The following CELSR1 variants were observed in gnomAD, a reference collection of about 807,000 sequenced individuals.
CELSR1 encodes adhesion G protein-coupled receptor C1.
CELSR1 carries 110 observed loss-of-function variants against 249.1 expected under a neutral mutation model. The ratio of observed to expected loss-of-function variants is 0.44; its 90% confidence interval spans 0.38 to 0.52. The LOEUF (loss-of-function observed/expected upper bound fraction) is 0.52, where lower values mean the gene tolerates loss of function less well. Among genes scored for constraint, CELSR1 ranks in the 20% least tolerant of loss-of-function variants. The pLI is 0.00. For synonymous variants in CELSR1, 2,113 were observed against 1,900.0 expected (o/e 1.11, Z -2.92); for missense variants, 4,109 against 4,296.4 (o/e 0.96, Z 1.22).
chr22:46,393,640 A>C lies in CELSR1; in HGVS notation c.5964+502T>G, dbSNP rs1175378358. Among the ~76,000 whole-genome samples, 1 of 151,724 alleles carries C rather than the reference A, an allele frequency of 6.6e-6. No homozygotes were observed. Among genetic ancestry groups the C allele is most frequent in the Non-Finnish European group, 1.5e-5 (1 of 67,972 alleles). On this transcript the variant is annotated intron_variant, in intron 14 of 34. Transcript: ENST00000674500. This position sits in a 1 kb window ranked among gnomAD's most constrained non-coding sequence, Gnocchi z 4.1. The stretch of plus-strand genomic sequence containing the variant: ...ATAATCCCAGCTACTCAGGAGGCTG[A>C]GGCAGAAGAATTGCTGGAACCCGGG...
chr22:46,367,753 G>A lies in CELSR1; in HGVS notation c.8055C>T (p.Leu2685=), dbSNP rs776315945. 2.5e-6 allele frequency: 4 copies of A among 1,606,496 alleles called. No individual in the cohort carries two copies. Among genetic ancestry groups the A allele is most frequent in the Non-Finnish European group, 3.4e-6 (4 of 1,177,576 alleles). ...VNRDALSFHY[L]FAIFSGLQGP... is the part of the protein sequence containing the mutation. Reference sequence around the variant, plus strand: ...CCTGTAAGCCGCTGAAGATGGCGAAGAGGTAGTGAAAGCTCAGTGCATCGC... The same window carrying A: ...CCTGTAAGCCGCTGAAGATGGCGAAAAGGTAGTGAAAGCTCAGTGCATCGC... Residue 2685 remains leucine (L), a synonymous_variant, in exon 28 of 35, where the codon CTC becomes CTT. Coordinates refer to ENST00000674500, the MANE Select transcript of CELSR1 (RefSeq NM_001378328.1).
chr22:46,481,784 C>T, intron 1 of CELSR1: 2 of 278,552 alleles, frequency 7.2e-6, no homozygotes, highest in Non-Finnish European at 1.4e-5. Context: ...TTTTCTAAAT[C>T]TTTTTTTTTT....
chr22:46,366,928 A>G (rs2147165357), intron 29 of CELSR1, 65 bp downstream of exon 29: 1 of 1,541,378 alleles, frequency 6.5e-7, no homozygotes. Flanking sequence ...AGGCTCGATC[A>G]CCCTCCCCCG....
chr22:46,517,600 C>T lies in CELSR1; in HGVS notation c.3544+16027G>A, dbSNP rs2080641541. Among the ~76,000 whole-genome samples, 1 of 152,244 alleles carries T rather than the reference C, an allele frequency of 6.6e-6. No individual in the cohort carries two copies. The highest frequency in any genetic ancestry group is 6.5e-5 in the Admixed American group (1 of 15,284). ...AAAACACGCCCCTGAGCTTCCCGTC[C>T]TGCACACACAGACGCACCCCTGACC... is the stretch of plus-strand genomic sequence containing the variant. On this transcript the variant is annotated intron_variant, in intron 1 of 34. Transcript: ENST00000674500. The surrounding 1 kb of genome is among the most constrained non-coding windows in gnomAD (Gnocchi z 5.4).
Position 46,471,241 on chromosome 22 carries a change from T to A in CELSR1, c.3545-6896A>T, listed in dbSNP as rs1203535491. ...ACTGTGGACAGTGGTTCTGTCTGCA[T>A]TGCTGATTTTGTTTTTTGTTTGTTT... On this transcript the variant is annotated intron_variant, in intron 1 of 34. Transcript: ENST00000674500. This position sits in a 1 kb window ranked among gnomAD's most constrained non-coding sequence, Gnocchi z 4.9. 2.0e-5 allele frequency among the ~76,000 whole-genome samples: 3 copies of A among 152,252 alleles called. No individual in the cohort carries two copies. Among genetic ancestry groups the A allele is most frequent in the Non-Finnish European group, 4.4e-5 (3 of 68,052 alleles).
In CELSR1 at chr22:46,464,441, AAGG is replaced by A. The variant is rs1280714794; in HGVS notation, c.3545-99_3545-97del. ...GGAGCAGCCTCAGGCATGCTTGGCA[AAGG>A]AGAAGAGAGCCTGGGCATCCCCACT... On this transcript the variant is annotated intron_variant, in intron 1 of 34. Transcript: ENST00000674500. The surrounding 1 kb of genome is among the most constrained non-coding windows in gnomAD (Gnocchi z 8.5). 1.5e-6 allele frequency: 2 copies of A among 1,361,880 alleles called. No homozygotes were observed. The highest frequency in any genetic ancestry group is 2.9e-5 in the African/African-American group (2 of 69,016). 84.4% of individuals were successfully genotyped at this position (1,361,880 alleles called of 1,614,324 possible). A position where few individuals can be genotyped will look rare whatever the true frequency, so the allele number is the denominator to read the frequency against.
At position 46,501,643 on chromosome 22, in the gene CELSR1, T is replaced by C. The variant is rs552325524; in HGVS notation, c.3544+31984A>G. ...GAAAACAAGCTGTGAGCCAAAACAC[T>C]GTATGATGTGCTTTTTTTCCTTCAG... is the stretch of plus-strand genomic sequence containing the variant. On this transcript the variant is annotated intron_variant, in intron 1 of 34. Transcript: ENST00000674500. Among the ~76,000 whole-genome samples the C allele has an allele frequency of 1.2e-4, 19 of 152,302 alleles. No individual in the cohort carries two copies. In the South Asian group the frequency reaches 2.9e-3, roughly 23 times the overall value.
Position 46,436,149 on chromosome 22 carries a change from G to A in CELSR1, c.4522+25C>T. On this transcript the variant is annotated intron_variant, in intron 4 of 34. Coordinates refer to ENST00000674500, the MANE Select transcript of CELSR1 (RefSeq NM_001378328.1). The surrounding 1 kb of genome is among the most constrained non-coding windows in gnomAD (Gnocchi z 5.9). ...AAGTATCTGTGAATTGCTCAGAGCT[G>A]CCCTTCCTGGGGAGAAGGCCCCACC... The A allele has an allele frequency of 6.3e-7, 1 of 1,585,440 alleles. No homozygotes were observed. Among genetic ancestry groups the A allele is most frequent in the Non-Finnish European group, 8.7e-7 (1 of 1,154,396 alleles).
intron 3 of CELSR1, 82 bp downstream of exon 3, chr22:46,439,107 G>A (rs1409268924): frequency 7.5e-6 from 10 of 1,325,118 alleles, no homozygotes; most frequent in East Asian, 6.9e-5. Context: ...TCAACGTCAC[G>A]ATCTAGAGGG....
intron 24 of CELSR1, among the ~76,000 whole-genome samples, chr22:46,375,364 G>A (rs1449395325): frequency 6.6e-6 from 1 of 151,846 alleles, no homozygotes; most frequent in African/African-American, 2.4e-5. Flanking sequence ...TTCTGGAGAC[G>A]TCAAACTCCC....
At chr22:46,424,354 C>T (rs1245989414) in intron 5 of CELSR1, among the ~76,000 whole-genome samples, 1 of 152,154 alleles carries the variant, frequency 6.6e-6, no homozygotes, top group African/African-American at 2.4e-5. Flanking sequence ...GCTGGGGTTA[C>T]AGGCGTGAGC....
rs1282321640 is a variant in CELSR1, at chr22:46,440,248, T to C, written c.4184-837A>G. On this transcript the variant is annotated intron_variant, in intron 2 of 34. Transcript: ENST00000674500. This position sits in a 1 kb window ranked among gnomAD's most constrained non-coding sequence, Gnocchi z 4.7. ...AGTTGTTCCTGGACTGGCCGCTGCA[T>C]CCTCCAGCAACCAGGTGTGTGGCTG... Among the ~76,000 whole-genome samples, 1 of 152,004 alleles carries C rather than the reference T, an allele frequency of 6.6e-6. No individual in the cohort carries two copies. Among genetic ancestry groups the C allele is most frequent in the Non-Finnish European group, 1.5e-5 (1 of 68,002 alleles).
chr22:46,496,416 A>G (rs1426167250), intron 1 of CELSR1, among the ~76,000 whole-genome samples: 1 of 151,872 alleles, frequency 6.6e-6, no homozygotes, highest in African/African-American at 2.4e-5. Flanking sequence ...AAAAACACAA[A>G]AACTAGCCTG....
chr22:46,517,140 C>T lies in CELSR1; in HGVS notation c.3544+16487G>A, dbSNP rs1013066093. ...TCCCCTGAGGTATACAAACCACCTC[C>T]CCATCCCCCACTGCCTCAGTTTTCC... On this transcript the variant is annotated intron_variant, in intron 1 of 34. Transcript: ENST00000674500. This position sits in a 1 kb window ranked among gnomAD's most constrained non-coding sequence, Gnocchi z 5.4. Among the ~76,000 whole-genome samples, 1 of 152,200 alleles carries T rather than the reference C, an allele frequency of 6.6e-6. No homozygotes were observed. The highest frequency in any genetic ancestry group is 1.5e-5 in the Non-Finnish European group (1 of 68,036).
At chr22:46,462,135 G>A (rs1190221685) in intron 2 of CELSR1, among the ~76,000 whole-genome samples, 3 of 152,228 alleles carry the variant, frequency 2.0e-5, no homozygotes, top group South Asian at 2.1e-4. Context: ...GCCCACAGCC[G>A]AGCCCCGGTA....
At chr22:46,485,532 T>C (rs1328407169) in intron 1 of CELSR1, among the ~76,000 whole-genome samples, 1 of 152,126 alleles carries the variant, frequency 6.6e-6, no homozygotes, top group Non-Finnish European at 1.5e-5. Flanking sequence ...TCTGGCTCAT[T>C]ATGGAGGATC....
chr22:46,373,740 A>AGCAATGGGAGCAATG lies in CELSR1; in HGVS notation c.7585-684_7585-683insCATTGCTCCCATTGC, dbSNP rs1569111572. On this transcript the variant is annotated intron_variant, in intron 24 of 34. Coordinates refer to ENST00000674500, the MANE Select transcript of CELSR1 (RefSeq NM_001378328.1). ...GGGAGATGGGAGCAATGGGAGCAAT[A>AGCAATGGGAGCAATG]GGAGCAATGGGAGGGTCCCACCACC... Among the ~76,000 whole-genome samples the AGCAATGGGAGCAATG allele has an allele frequency of 2.5e-3, 353 of 138,744 alleles. 2 individuals are homozygous for AGCAATGGGAGCAATG. The highest frequency in any genetic ancestry group is 0.011 in the African/African-American group (328 of 31,112). 91.0% of individuals were successfully genotyped at this position (138,744 alleles called of 152,430 possible).
intron 1 of CELSR1, among the ~76,000 whole-genome samples, chr22:46,511,555 C>T (rs1466513502): frequency 6.6e-6 from 1 of 152,236 alleles, no homozygotes; most frequent in African/African-American, 2.4e-5. Context: ...ACTGACTAGG[C>T]CTTGACTTCG....
At chr22:46,465,439 G>T (rs1470612603) in intron 1 of CELSR1, among the ~76,000 whole-genome samples, 2 of 152,186 alleles carry the variant, frequency 1.3e-5, no homozygotes, top group East Asian at 3.9e-4. Context: ...AGGAGGACAG[G>T]AGCTGGGCAG....
Sources: allele counts gnomAD v4.1 joint callset (sites outside exome capture counted in the v4.1 genomes callset), GRCh38; gene constraint gnomAD v4.1.1; non-coding constraint Gnocchi (gnomAD v3.1); transcripts MANE v1.5; gene names NCBI Gene and HGNC (gene_info 2026-07-23, HGNC 2026-07-21).